ARSL: variants seen among roughly 807,000 people sequenced by gnomAD.
ARSL encodes arylsulfatase L.
In ARSL, 4 loss-of-function variants were observed where a neutral mutation model predicts 31.1. That is an observed-to-expected ratio of 0.13 (90% confidence interval 0.06 to 0.29). The LOEUF is 0.29. Ranked by LOEUF, ARSL falls within the 10% of genes least tolerant of loss-of-function variation. ARSL has a pLI of 1.00. For synonymous variants in ARSL, 198 were observed against 209.9 expected (o/e 0.94, Z 0.49); for missense variants, 312 against 497.8 (o/e 0.63, Z 3.55).
At position 2,941,461 on chromosome X, in the gene ARSL, G is replaced by A. The variant is rs144756319; in HGVS notation, c.1126+1604C>T. On this transcript the variant is annotated intron_variant, in intron 8 of 10. Coordinates refer to ENST00000381134, the MANE Select transcript of ARSL (RefSeq NM_000047.3). The stretch of plus-strand genomic sequence containing the variant: ...GTAGAGACAGAGTTTCACCATGTTG[G>A]CCAGGCTGGTCTCGAACTCCTAACC... Among the ~76,000 whole-genome samples the A allele has an allele frequency of 7.4e-3, 815 of 110,352 alleles. 3 individuals carry two copies. Among genetic ancestry groups the A allele is most frequent in the Middle Eastern group, 0.023 (5 of 215 alleles).
intron 9 of ARSL, among the ~76,000 whole-genome samples, chrX:2,937,474 T>C (rs1227391392): frequency 9.0e-6 from 1 of 110,843 alleles, no homozygotes; most frequent in Admixed American, 9.6e-5. Flanking sequence ...CTAAGAGTTC[T>C]ACCCAGGCCT....
intron 2 of ARSL, among the ~76,000 whole-genome samples, chrX:2,958,848 G>A (rs758570004): frequency 7.2e-5 from 8 of 111,483 alleles, no homozygotes; most frequent in African/African-American, 2.6e-4. Flanking sequence ...TTAGCTGGGC[G>A]TGGTGGCACG....
intron 1 of ARSL, among the ~76,000 whole-genome samples, chrX:2,961,377 G>A (rs181852252): frequency 7.5e-4 from 83 of 111,322 alleles, no homozygotes; most frequent in Non-Finnish European, 1.4e-3. Context: ...ATGGGACTGA[G>A]GACGAAGCTC....
chrX:2,949,412 A>G lies in ARSL; in HGVS notation c.746T>C (p.Val249Ala). ...ASSYFVGALI[V>A]HADCFLMRNH... is the part of the protein sequence containing the mutation. ...TCTCATCAGAAAGCAATCGGCATGG[A>G]CAATCAGAGCACCCACAAAATAGGA... The change falls in exon 6 of 11, where the codon GTC becomes GCC. Residue 249 changes from valine (V) to alanine (A), a missense_variant. Physicochemically the swap from Val to Ala is moderately conservative, Grantham distance 64. Transcript: ENST00000381134. 1 of 1,211,280 alleles carries G rather than the reference A, an allele frequency of 8.3e-7. No individual in the cohort carries two copies. Among genetic ancestry groups the G allele is most frequent in the Non-Finnish European group, 1.1e-6 (1 of 895,450 alleles).
chrX:2,960,856 G>C (rs189710754), intron 1 of ARSL, among the ~76,000 whole-genome samples: 5 of 111,434 alleles, frequency 4.5e-5, no homozygotes, highest in Non-Finnish European at 9.4e-5. Context: ...ATTTGGAAGG[G>C]GGAAGCGGGG....
chrX:2,943,166 A>C lies in ARSL; in HGVS notation c.1025T>G (p.Leu342Trp). 1 of 1,211,399 alleles carries C rather than the reference A, an allele frequency of 8.3e-7. No homozygotes were observed. The highest frequency in any genetic ancestry group is 1.8e-5 in the South Asian group (1 of 56,946). Residue 342 changes from leucine (L) to tryptophan (W), a missense_variant, in exon 8 of 11, where the codon TTG becomes TGG. Coordinates refer to ENST00000381134, the MANE Select transcript of ARSL (RefSeq NM_000047.3). ...AAAATAAATGAGGGTGCTGTTGCTC[A>C]AACCCTCCACGTCCAAAGTGTCAAG... ...RILDTLDVEGLSNSTLIYFTS... is the reference protein window; with the variant it reads ...RILDTLDVEGWSNSTLIYFTS...
At position 2,950,187 on chromosome X, in the gene ARSL, CTG is replaced by C. The variant is rs773977595; in HGVS notation, c.431-462_431-461del. On this transcript the variant is annotated intron_variant, in intron 5 of 10. Coordinates refer to ENST00000381134, the MANE Select transcript of ARSL (RefSeq NM_000047.3). Reference sequence around the variant, plus strand: ...CTCCATGTTTCCATGGCGTTGTCCTCTGTGTGTGTCTGCGACCTAATCTCTTG... The same window carrying C: ...CTCCATGTTTCCATGGCGTTGTCCTCTGTGTGTCTGCGACCTAATCTCTTG... Among the ~76,000 whole-genome samples, 209 of 111,452 alleles carry C rather than the reference CTG, an allele frequency of 1.9e-3. 1 individual carries two copies. Among genetic ancestry groups the C allele is most frequent in the African/African-American group, 6.5e-3 (199 of 30,729 alleles).
intron 2 of ARSL, chrX:2,959,474 C>T: frequency 2.3e-6 from 2 of 865,215 alleles, no homozygotes; most frequent in Non-Finnish European, 3.1e-6. Flanking sequence ...GACAGCAGGG[C>T]CATAGTGTCC....
At chrX:2,959,367 C>T (rs917568725) in intron 2 of ARSL, among the ~76,000 whole-genome samples, 5 of 111,833 alleles carry the variant, frequency 4.5e-5, no homozygotes, top group African/African-American at 1.3e-4. Context: ...CTGGTAGTTG[C>T]GTACCATGAG....
intron 1 of ARSL, among the ~76,000 whole-genome samples, chrX:2,960,913 A>G (rs1173491806): frequency 9.0e-6 from 1 of 111,653 alleles, no homozygotes; most frequent in Non-Finnish European, 1.9e-5. Context: ...AGTAGAGGGT[A>G]TGAAGATCAG....
chrX:2,956,913 AT>A lies in ARSL; in HGVS notation c.185+1360del, dbSNP rs1038149934. 6.7e-4 allele frequency among the ~76,000 whole-genome samples: 71 copies of A among 105,540 alleles called. 1 individual carries two copies. The South Asian group carries it at 0.025, about 37-fold the overall frequency. The allele number at this position is 105,540 out of a possible 115,157, so 91.6% of individuals were successfully genotyped here. On this transcript the variant is annotated intron_variant, in intron 3 of 10. Transcript: ENST00000381134. ...AGGTGCATGCCATCATGCCTGGCTA[AT>A]TTTTTTTTTAATTTAAAAATTAATG...
At chrX:2,954,289 G>GT (rs2089497144) in intron 4 of ARSL, among the ~76,000 whole-genome samples, 1 of 110,740 alleles carries the variant, frequency 9.0e-6, no homozygotes, top group Non-Finnish European at 1.9e-5. Context: ...CTACCCAAGG[G>GT]TTTTTTTGTT....
chrX:2,952,551 C>A (rs2089476658), intron 5 of ARSL, among the ~76,000 whole-genome samples: 1 of 111,789 alleles, frequency 8.9e-6, no homozygotes, highest in Admixed American at 9.6e-5. Flanking sequence ...TCACCTCCTG[C>A]CACCATCACC....
At chrX:2,963,036 C>T (rs1279982648) in intron 1 of ARSL, among the ~76,000 whole-genome samples, 1 of 112,044 alleles carries the variant, frequency 8.9e-6, no homozygotes, top group Non-Finnish European at 1.9e-5. Context: ...CACTGAATTG[C>T]TACATCTCCA....
At chrX:2,957,714 A>T (rs1350980092) in intron 3 of ARSL, among the ~76,000 whole-genome samples, 1 of 109,414 alleles carries the variant, frequency 9.1e-6, no homozygotes, top group African/African-American at 3.3e-5. Flanking sequence ...GTCTCAAAAA[A>T]AAAAAAAAAA....
At chrX:2,960,953 T>C (rs1488673626) in intron 1 of ARSL, among the ~76,000 whole-genome samples, 1 of 110,918 alleles carries the variant, frequency 9.0e-6, no homozygotes, top group African/African-American at 3.3e-5. Flanking sequence ...GCGTGGTGGC[T>C]CATGCCTGGA....
At chrX:2,935,692 CTT>C (rs61012417) in intron 10 of ARSL, among the ~76,000 whole-genome samples, 6 of 40,356 alleles carry the variant, frequency 1.5e-4, no homozygotes, top group African/African-American at 1.0e-4. Context: ...CTTTTCTTTT[CTT>C]TTTTTTTTTT....
At chrX:2,949,856 G>T in intron 5 of ARSL, 129 bp from the exon 6 acceptor site, 1 of 767,690 alleles carries the variant, frequency 1.3e-6, no homozygotes, top group Non-Finnish European at 1.9e-6. Flanking sequence ...AAGAAGTGTG[G>T]GCAGCATTAG....
chrX:2,958,633 GT>G (rs1272744529), intron 2 of ARSL, among the ~76,000 whole-genome samples, 198 bp from the exon 3 acceptor site: 2 of 111,988 alleles, frequency 1.8e-5, no homozygotes, highest in Non-Finnish European at 3.8e-5. Flanking sequence ...TGGCCTTGAA[GT>G]TTTTTGGGTT....
Sources: gnomAD v4.1 joint callset for allele counts (sites outside exome capture counted in the v4.1 genomes callset) on GRCh38, gnomAD v4.1.1 for gene constraint, MANE v1.5 for transcripts, NCBI Gene and HGNC (gene_info 2026-07-23, HGNC 2026-07-21) for gene names.